The following KLK8 variants were observed in gnomAD, a reference collection of about 807,000 sequenced individuals.
KLK8 encodes kallikrein related peptidase 8.
KLK8 carries 18 observed loss-of-function variants against 26.7 expected under a neutral mutation model. That is an observed-to-expected ratio of 0.67 (90% CI 0.47 to 1.00). The LOEUF (loss-of-function observed/expected upper bound fraction) is 1.00. Ranked by LOEUF, KLK8 falls within the 50% of genes least tolerant of loss-of-function variation. The pLI, the probability that KLK8 is intolerant of heterozygous loss-of-function variation, is 0.00. For synonymous variants in KLK8, 137 were observed against 127.1 expected (o/e 1.08, Z -0.52); for missense variants, 301 against 331.7 (o/e 0.91, Z 0.72).
At chr19:51,001,005 C>T in intron 3 of KLK8, 93 bp downstream of exon 2, 2 of 1,197,338 alleles carry the variant, frequency 1.7e-6, no homozygotes, top group Non-Finnish European at 2.4e-6. Context: ...TGCACACGCA[C>T]CCACATAACC....
exon 5 of KLK8, chr19:51,000,013 G>A: frequency 6.3e-7 from 1 of 1,596,758 alleles, no homozygotes; most frequent in Middle Eastern, 1.7e-4. Flanking sequence ...ACTGGTGACA[G>A]TGCCCCAGCC....
exon 3 of KLK8, chr19:51,001,136 G>C (rs1253766289): frequency 1.2e-6 from 2 of 1,613,506 alleles, no homozygotes; most frequent in South Asian, 1.1e-5. Context: ...GAACATCCAC[G>C]TCTTGGCCGC....
At chr19:50,996,651 T>C (rs538389767) in intron 6 of KLK8, among the ~76,000 whole-genome samples, 20 of 148,700 alleles carry the variant, frequency 1.3e-4, no homozygotes, top group Non-Finnish European at 2.7e-4. Context: ...GAGAATTGCT[T>C]GAACTGGGAG....
intron 5 of KLK8, among the ~76,000 whole-genome samples, chr19:50,998,308 A>G (rs928717847): frequency 6.6e-6 from 1 of 152,172 alleles, no homozygotes; most frequent in African/African-American, 2.4e-5. Context: ...GAATTAAAAA[A>G]TACCATCCCT....
At chr19:50,999,604 A>AAAAAAG (rs2091201590) in intron 5 of KLK8, among the ~76,000 whole-genome samples, 1 of 120,688 alleles carries the variant, frequency 8.3e-6, no homozygotes, top group African/African-American at 3.6e-5. Flanking sequence ...AAAAAAAAAA[A>AAAAAAG]AAAAAAAAAA....
exon 4 of KLK8, chr19:51,000,542 C>T (rs1243877140): frequency 6.2e-7 from 1 of 1,613,966 alleles, no homozygotes. Context: ...GGTTGGCACT[C>T]ATGACCCCCC....
exon 6 of KLK8, chr19:50,997,757 C>G: frequency 6.2e-7 from 1 of 1,613,980 alleles, no homozygotes; most frequent in Non-Finnish European, 8.5e-7. Flanking sequence ...TCACCTGGCA[C>G]GTGTCAGCCC....
At chr19:50,996,299 T>C (rs971067520) in intron 6 of KLK8, 85 bp from the exon 6 acceptor site, 1 of 1,446,858 alleles carries the variant, frequency 6.9e-7, no homozygotes, top group African/African-American at 1.4e-5. Flanking sequence ...TACCAGTTCT[T>C]TGGCATGATT....
At chr19:50,998,067 T>C in intron 5 of KLK8, 183 bp from the exon 5 acceptor site, 1 of 669,020 alleles carries the variant, frequency 1.5e-6, no homozygotes, top group Admixed American at 3.0e-5. Context: ...CTGTACTTGT[T>C]GCTATTGGGC....
chr19:50,998,989 C>T (rs1271118933), intron 5 of KLK8: 1 of 152,250 alleles, frequency 6.6e-6, no homozygotes, highest in Non-Finnish European at 1.5e-5. Flanking sequence ...CAGCCGCAAA[C>T]TGTCTCATCC....
chr19:50,998,079 T>G, intron 5 of KLK8, 195 bp from the exon 5 acceptor site: 2 of 615,718 alleles, frequency 3.2e-6, no homozygotes, highest in Non-Finnish European at 2.7e-6. Flanking sequence ...CTATTGGGCT[T>G]TCTCCATCTA....
exon 6 of KLK8, chr19:50,997,861 A>C: frequency 6.2e-7 from 1 of 1,614,190 alleles, no homozygotes; most frequent in Non-Finnish European, 8.5e-7. Flanking sequence ...ACTTCTGCAC[A>C]GTTGAGAGTG....
chr19:51,000,409 C>T lies in KLK8; in HGVS notation c.230+15G>A. 1 of 1,594,802 alleles carries T rather than the reference C, an allele frequency of 6.3e-7. No homozygotes were observed. The highest frequency in any genetic ancestry group is 1.1e-5 in the South Asian group (1 of 87,676). On this transcript the variant is annotated intron_variant, in intron 4 of 6. Transcript: ENST00000600767. ...CTTAAGCCCCAGCTGACCTCTGCCC[C>T]CATCATCCACTCACGGTTTTTTACA... is the stretch of plus-strand genomic sequence containing the variant.
exon 4 of KLK8, chr19:51,000,547 C>T: frequency 4.3e-6 from 7 of 1,614,028 alleles, no homozygotes; most frequent in Non-Finnish European, 5.9e-6. Flanking sequence ...GCACTCATGA[C>T]CCCCCAGCAC....
At chr19:50,997,858 C>T in exon 6 of KLK8, 1 of 1,614,162 alleles carries the variant, frequency 6.2e-7, no homozygotes, top group Non-Finnish European at 8.5e-7. Flanking sequence ...TTTACTTCTG[C>T]ACAGTTGAGA....
chr19:50,996,925 CACACACACACA>C (rs1568554326), intron 6 of KLK8, among the ~76,000 whole-genome samples: 26 of 151,126 alleles, frequency 1.7e-4, no homozygotes, highest in African/African-American at 2.9e-4. Context: ...CACACACACA[CACACACACACA>C]CACCATATCC....
chr19:50,996,731 C>A (rs1254705291), intron 6 of KLK8, among the ~76,000 whole-genome samples: 436 of 96,728 alleles, frequency 4.5e-3, no homozygotes, highest in Middle Eastern at 6.0e-3. Flanking sequence ...GACCCTGTCT[C>A]AAAAAAAAAA....
exon 5 of KLK8, chr19:51,000,002 G>A (rs1332741543): frequency 1.3e-6 from 2 of 1,594,462 alleles, no homozygotes; most frequent in East Asian, 2.3e-5. Flanking sequence ...CTACCTCGGG[G>A]ACTGGTGACA....
exon 3 of KLK8, chr19:51,001,123 C>G (rs1244504652): frequency 6.2e-7 from 1 of 1,613,432 alleles, no homozygotes; most frequent in Admixed American, 1.7e-5. Flanking sequence ...CCAGCAAGAG[C>G]AGGAACATCC....
Sources: allele counts gnomAD v4.1 joint callset (sites outside exome capture counted in the v4.1 genomes callset), GRCh38; gene constraint gnomAD v4.1.1; transcripts MANE v1.5; gene names NCBI Gene and HGNC (gene_info 2026-07-23, HGNC 2026-07-21).